MITF: variants seen among roughly 807,000 people sequenced by gnomAD.
The protein encoded by MITF is melanocyte inducing transcription factor.
MITF carries 17 observed loss-of-function variants against 60.5 expected under a neutral mutation model. The observed-to-expected ratio is 0.28, with a 90% CI of 0.19 to 0.42. The LOEUF (loss-of-function observed/expected upper bound fraction) is 0.42. Among genes scored for constraint, MITF ranks in the 10% least tolerant of loss-of-function variants. The pLI is 1.00. For missense variants in MITF, 622 were observed against 683.5 expected (o/e 0.91, Z 1.00); for synonymous variants, 260 against 248.5 (o/e 1.05, Z -0.43).
At chr3:69,915,989 G>A (rs560065639) in intron 2 of MITF, among the ~76,000 whole-genome samples, 1 of 152,288 alleles carries the variant, frequency 6.6e-6, no homozygotes, top group Admixed American at 6.5e-5. Flanking sequence ...GGATGATTCT[G>A]CAGCCAAAGC....
In MITF at chr3:69,959,425, G is replaced by A. The variant is rs554738793; in HGVS notation, c.1179+5G>A. On this transcript the variant is annotated splice_donor_5th_base_variant and intron_variant, in intron 9 of 9. Coordinates refer to ENST00000352241, the MANE Select transcript of MITF (RefSeq NM_001354604.2). ...CATTTGTTGCTCAGAATACAGGTACGCAGCCTGAGTTGTGTAAAGTTTACT... is the reference window on the plus strand; with the variant it reads ...CATTTGTTGCTCAGAATACAGGTACACAGCCTGAGTTGTGTAAAGTTTACT... 25 of 1,613,822 alleles carry A rather than the reference G, an allele frequency of 1.5e-5. No homozygotes were observed. Among genetic ancestry groups the A allele is most frequent in the Non-Finnish European group, 1.9e-5 (22 of 1,179,800 alleles).
At chr3:69,813,737 A>G (rs1049942574) in intron 1 of MITF, among the ~76,000 whole-genome samples, 1 of 152,236 alleles carries the variant, frequency 6.6e-6, no homozygotes, top group Non-Finnish European at 1.5e-5. Flanking sequence ...ATTGAATTAA[A>G]TCTAGTTGAA....
Position 69,799,516 on chromosome 3 carries a change from C to T in MITF, c.104+59815C>T, listed in dbSNP as rs112273022. Among the ~76,000 whole-genome samples the T allele has an allele frequency of 4.4e-3, 674 of 152,226 alleles. 5 individuals are homozygous for T. The highest frequency in any genetic ancestry group is 0.015 in the African/African-American group (615 of 41,532). On this transcript the variant is annotated intron_variant, in intron 1 of 9. Coordinates refer to ENST00000352241, the MANE Select transcript of MITF (RefSeq NM_001354604.2). ...TATTCTTTTTACCTGTAGGATGCCA[C>T]GTCTATCTGTTTACATGGACAAAGT...
At chr3:69,938,437 T>TC (rs1246792858) in intron 3 of MITF, 5 of 1,512,422 alleles carry the variant, frequency 3.3e-6, no homozygotes, top group Non-Finnish European at 4.4e-6. Flanking sequence ...GACATGCTGT[T>TC]TAGAAGTTCC....
chr3:69,959,817 C>T (rs905899259), intron 9 of MITF, among the ~76,000 whole-genome samples: 22 of 152,096 alleles, frequency 1.4e-4, no homozygotes, highest in African/African-American at 4.8e-4. Flanking sequence ...TAAAATGACC[C>T]CCAAGCATAA....
At chr3:69,772,285 T>A (rs556520972) in intron 1 of MITF, among the ~76,000 whole-genome samples, 45 of 152,330 alleles carry the variant, frequency 3.0e-4, no homozygotes, top group African/African-American at 1.0e-3. Flanking sequence ...CCTTTATATA[T>A]CTGTCATTAA....
rs535227278 is a variant in MITF at position 69,881,618 on chromosome 3, T to C, written c.354+2235T>C. ...TGTATAAAAGTATTATGAAACATTA[T>C]AGAAAGATAAGTGAGAGAAAGGTGG... is the stretch of plus-strand genomic sequence containing the variant. On this transcript the variant is annotated intron_variant, in intron 2 of 9. Transcript: ENST00000352241. 5.3e-5 allele frequency among the ~76,000 whole-genome samples: 8 copies of C among 151,858 alleles called. 1 individual carries two copies. Among genetic ancestry groups the C allele is most frequent in the African/African-American group, 1.9e-4 (8 of 41,382 alleles).
At chr3:69,812,276 A>G (rs2063113299) in intron 1 of MITF, among the ~76,000 whole-genome samples, 1 of 152,106 alleles carries the variant, frequency 6.6e-6, no homozygotes, top group Non-Finnish European at 1.5e-5. Flanking sequence ...GAAATGGTGC[A>G]GTCTCATAGG....
At chr3:69,834,753 G>C (rs1244109666) in intron 1 of MITF, among the ~76,000 whole-genome samples, 1 of 151,154 alleles carries the variant, frequency 6.6e-6, no homozygotes, top group African/African-American at 2.4e-5. Flanking sequence ...CCTTCCTACT[G>C]TTTTCCAAAA....
chr3:69,888,703 G>T (rs747112363), intron 2 of MITF, among the ~76,000 whole-genome samples: 1 of 152,024 alleles, frequency 6.6e-6, no homozygotes. Flanking sequence ...CTGGTACTTG[G>T]CTCTTAAACA....
chr3:69,876,961 C>A (rs901268932), intron 1 of MITF, among the ~76,000 whole-genome samples: 3 of 152,062 alleles, frequency 2.0e-5, no homozygotes, highest in Admixed American at 1.3e-4. Flanking sequence ...ATAAATTTAC[C>A]TGTAGTTCTA....
At chr3:69,885,754 C>T (rs1575883004) in intron 2 of MITF, among the ~76,000 whole-genome samples, 2 of 152,166 alleles carry the variant, frequency 1.3e-5, no homozygotes, top group African/African-American at 4.8e-5. Flanking sequence ...GATTGAGAAA[C>T]ATTCCTGCAG....
At chr3:69,791,564 C>A (rs1473286239) in intron 1 of MITF, among the ~76,000 whole-genome samples, 1 of 152,140 alleles carries the variant, frequency 6.6e-6, no homozygotes, top group African/African-American at 2.4e-5. Context: ...GGCTCAAGAC[C>A]TCTTCATGGC....
At chr3:69,765,358 T>C (rs1018741630) in intron 1 of MITF, among the ~76,000 whole-genome samples, 16 of 152,216 alleles carry the variant, frequency 1.1e-4, no homozygotes, top group African/African-American at 3.1e-4. Flanking sequence ...TACTTGGTGT[T>C]TGGAATTTTG....
chr3:69,862,225 C>A (rs978872704), intron 1 of MITF, among the ~76,000 whole-genome samples: 1 of 152,130 alleles, frequency 6.6e-6, no homozygotes, highest in African/African-American at 2.4e-5. Flanking sequence ...CTTCTTAAAT[C>A]TCCTGTATTT....
At chr3:69,902,985 G>C (rs2065025828) in intron 2 of MITF, among the ~76,000 whole-genome samples, 1 of 152,056 alleles carries the variant, frequency 6.6e-6, no homozygotes, top group Non-Finnish European at 1.5e-5. Context: ...TTTCTATCGT[G>C]TTTTATTATT....
chr3:69,818,816 T>C (rs943086330), intron 1 of MITF, among the ~76,000 whole-genome samples: 1 of 152,184 alleles, frequency 6.6e-6, no homozygotes. Flanking sequence ...AGATATATTT[T>C]TAAATTGGAG....
At chr3:69,849,449 G>A (rs1575815885) in intron 1 of MITF, among the ~76,000 whole-genome samples, 1 of 152,204 alleles carries the variant, frequency 6.6e-6, no homozygotes, top group South Asian at 2.1e-4. Context: ...AGTGGCTGCA[G>A]TGTATTCACT....
intron 1 of MITF, among the ~76,000 whole-genome samples, chr3:69,757,662 A>T (rs1434025212): frequency 2.0e-5 from 3 of 152,156 alleles, no homozygotes; most frequent in African/African-American, 7.2e-5. Flanking sequence ...GAAAAAAAAC[A>T]GTTTGGGACA....
Sources: allele counts gnomAD v4.1 joint callset (sites outside exome capture counted in the v4.1 genomes callset), GRCh38; gene constraint gnomAD v4.1.1; transcripts MANE v1.5; gene names NCBI Gene and HGNC (gene_info 2026-07-23, HGNC 2026-07-21).